Variants in ATP9A observed in about 807,000 individuals in gnomAD.
ATP9A encodes probable phospholipid-transporting ATPase IIA.
Under a neutral mutation model 144.1 loss-of-function variants are expected in ATP9A, and 52 were observed. The ratio of observed to expected loss-of-function variants is 0.36; its 90% CI spans 0.29 to 0.45. ATP9A has a LOEUF of 0.45. Ranked by LOEUF, ATP9A falls within the 20% of genes least tolerant of loss-of-function variation. ATP9A has a pLI of 1.00. For missense variants in ATP9A, 947 were observed against 1,392.7 expected (o/e 0.68, Z 5.09); for synonymous variants, 582 against 557.4 (o/e 1.04, Z -0.62).
intron 13 of ATP9A, among the ~76,000 whole-genome samples, chr20:51,662,978 A>C (rs1568809018): frequency 6.6e-6 from 1 of 151,786 alleles, no homozygotes; most frequent in Non-Finnish European, 1.5e-5. Context: ...GCTGAGGCAG[A>C]AGAATCGCTT....
intron 23 of ATP9A, among the ~76,000 whole-genome samples, chr20:51,610,648 G>GCTGTGGCCACAGCT (rs2077181476): frequency 6.6e-6 from 1 of 152,004 alleles, no homozygotes; most frequent in African/African-American, 2.4e-5. Flanking sequence ...CTCAAGCCCA[G>GCTGTGGCCACAGCT]CTGTGGCCAC....
In ATP9A at chr20:51,658,899, G is replaced by C. The variant is rs1386853248; in HGVS notation, c.1294-1749C>G. Among the ~76,000 whole-genome samples, 12 of 132,226 alleles carry C rather than the reference G, an allele frequency of 9.1e-5. 4 individuals are homozygous for C. Among genetic ancestry groups the C allele is most frequent in the Non-Finnish European group, 1.3e-4 (8 of 62,476 alleles). 86.7% of individuals were successfully genotyped at this position (132,226 alleles called of 152,430 possible). A position where few individuals can be genotyped will look rare whatever the true frequency, so the allele number is the denominator to read the frequency against. On this transcript the variant is annotated intron_variant, in intron 13 of 27. Transcript: ENST00000338821. The stretch of plus-strand genomic sequence containing the variant: ...ATTAAGACCACTGGCGGGGGGGGGG[G>C]GGGGAAGGCTCATTGTTGAACACAA...
chr20:51,642,727 A>AAAAAAAC (rs2077325574), intron 14 of ATP9A, among the ~76,000 whole-genome samples: 3 of 5,858 alleles, frequency 5.1e-4, no homozygotes, highest in Admixed American at 2.4e-3. Flanking sequence ...CTCTGTCTCC[A>AAAAAAAC]AAAAAAAAAA....
intron 13 of ATP9A, among the ~76,000 whole-genome samples, chr20:51,660,746 C>T (rs2077407292): frequency 6.6e-6 from 1 of 152,228 alleles, no homozygotes; most frequent in Non-Finnish European, 1.5e-5. Flanking sequence ...TGTCTTAGGC[C>T]TGGCCTTCAA....
Position 51,607,595 on chromosome 20 carries a change from G to A in ATP9A, c.2746-11C>T. 6.2e-7 allele frequency: 1 copy of A among 1,610,778 alleles called. No individual in the cohort carries two copies. Among genetic ancestry groups the A allele is most frequent in the Middle Eastern group, 1.7e-4 (1 of 6,058 alleles). ...GGACAACGGCCGTCCCTGAATGAGA[G>A]ACAGAGAAAGGTTAGAGCCGGTTTC... is the stretch of plus-strand genomic sequence containing the variant. On this transcript the variant is annotated splice_polypyrimidine_tract_variant and intron_variant, in intron 25 of 27. Transcript: ENST00000338821.
chr20:51,700,963 G>A (rs1568826907), intron 4 of ATP9A, among the ~76,000 whole-genome samples: 1 of 152,180 alleles, frequency 6.6e-6, no homozygotes, highest in Non-Finnish European at 1.5e-5. Context: ...AATGAACACA[G>A]ACCTGTCGTT....
At chr20:51,692,376 C>A (rs78468326) in intron 7 of ATP9A, among the ~76,000 whole-genome samples, 1 of 152,124 alleles carries the variant, frequency 6.6e-6, no homozygotes, top group African/African-American at 2.4e-5. Flanking sequence ...TGTGAAGTGG[C>A]GTAAGACAGG....
chr20:51,641,573 G>C (rs1259793392), intron 14 of ATP9A, among the ~76,000 whole-genome samples: 6 of 151,550 alleles, frequency 4.0e-5, no homozygotes, highest in Non-Finnish European at 7.4e-5. Flanking sequence ...TCAGCACTTT[G>C]GGAGGCTGAG....
intron 7 of ATP9A, among the ~76,000 whole-genome samples, chr20:51,692,159 G>A (rs577131533): frequency 3.3e-5 from 5 of 152,312 alleles, no homozygotes; most frequent in African/African-American, 7.2e-5. Context: ...AAAAAGTTCC[G>A]AAGATGAACA....
chr20:51,767,202 G>A (rs1214176638), intron 1 of ATP9A, among the ~76,000 whole-genome samples: 3 of 151,940 alleles, frequency 2.0e-5, no homozygotes, highest in Non-Finnish European at 4.4e-5. Context: ...AATGCCCAGA[G>A]AGGACCAGAC....
At chr20:51,665,109 G>T (rs62228345) in intron 13 of ATP9A, among the ~76,000 whole-genome samples, 74,149 of 151,632 alleles carry the variant, frequency 0.49, 18,833 homozygotes, top group East Asian at 0.79. Context: ...ACAACCGGAA[G>T]AACCTTGCAA....
chr20:51,755,148 A>T (rs2077850274), intron 1 of ATP9A, among the ~76,000 whole-genome samples: 2 of 148,544 alleles, frequency 1.3e-5, no homozygotes, highest in Admixed American at 6.7e-5. Flanking sequence ...TAAATAAATA[A>T]ATTTATTGGC....
At chr20:51,721,145 C>T (rs2077687170) in intron 3 of ATP9A, among the ~76,000 whole-genome samples, 2 of 152,256 alleles carry the variant, frequency 1.3e-5, no homozygotes, top group African/African-American at 2.4e-5. Context: ...TAACATGGCA[C>T]GTACGGCGTA....
chr20:51,637,699 GT>G (rs5841854), intron 15 of ATP9A, among the ~76,000 whole-genome samples: 4,498 of 145,712 alleles, frequency 0.031, 220 homozygotes, highest in African/African-American at 0.1. Context: ...TGTGCACTCT[GT>G]TTTTTTTTTT....
intron 22 of ATP9A, among the ~76,000 whole-genome samples, chr20:51,615,263 A>T (rs1378553970): frequency 6.6e-6 from 1 of 152,210 alleles, no homozygotes; most frequent in Non-Finnish European, 1.5e-5. Context: ...AATTGGCCAA[A>T]GTGAAGGGTA....
rs2122746962 is a variant in ATP9A at position 51,639,512 on chromosome 20, T to C, written c.1507-8A>G. 1 of 1,600,782 alleles carries C rather than the reference T, an allele frequency of 6.2e-7. No individual in the cohort carries two copies. The highest frequency in any genetic ancestry group is 8.5e-7 in the Non-Finnish European group (1 of 1,174,248). On this transcript the variant is annotated splice_polypyrimidine_tract_variant and splice_region_variant and intron_variant, in intron 14 of 27. Transcript: ENST00000338821. The stretch of plus-strand genomic sequence containing the variant: ...CCACTGTACCAGGGCCACCTAAACA[T>C]AACACAGGGTCGAAGGTCAGATGCC...
chr20:51,755,254 G>A (rs2077850826), intron 1 of ATP9A, among the ~76,000 whole-genome samples: 1 of 151,796 alleles, frequency 6.6e-6, no homozygotes, highest in South Asian at 2.1e-4. Flanking sequence ...TGACCAACAT[G>A]GTAAAACCCC....
intron 19 of ATP9A, 87 bp downstream of exon 19, chr20:51,621,987 C>T (rs2122724540): frequency 2.5e-6 from 3 of 1,195,814 alleles, no homozygotes; most frequent in Non-Finnish European, 3.7e-6. Flanking sequence ...CTGCCCCTCC[C>T]TTCTTAAGGG....
Position 51,622,098 on chromosome 20 carries a change from G to A in ATP9A, c.2091C>T (p.Asn697=). 1 of 1,614,104 alleles carries A rather than the reference G, an allele frequency of 6.2e-7. No individual in the cohort carries two copies. The highest frequency in any genetic ancestry group is 2.2e-5 in the East Asian group (1 of 44,874). Residue 697 remains asparagine, a synonymous_variant, in exon 19 of 28, where the codon AAC becomes AAT. Transcript: ENST00000338821. ...TAKNAHLVTR[N]QDIHVFRLVT... ...CCAGCCGAAAAACGTGGATGTCTTG[G>A]TTTCTGGTCACCAGATGTGCATTCT... is the stretch of plus-strand genomic sequence containing the variant.
Sources: gnomAD v4.1 joint callset for allele counts (sites outside exome capture counted in the v4.1 genomes callset) on GRCh38, gnomAD v4.1.1 for gene constraint, MANE v1.5 for transcripts, NCBI Gene and HGNC (gene_info 2026-07-23, HGNC 2026-07-21) for gene names.